PDCL2: variants seen among roughly 807,000 people sequenced by gnomAD.
The protein encoded by PDCL2 is phosducin-like protein 2.
In PDCL2, 23 loss-of-function variants were observed where a neutral mutation model predicts 30.3. The ratio of observed to expected loss-of-function variants is 0.76; its 90% CI spans 0.55 to 1.08. PDCL2 has a LOEUF of 1.08. Ranked by LOEUF, PDCL2 falls within the 50% of genes least tolerant of loss-of-function variation. The probability of loss-of-function intolerance (pLI) is 0.00; values close to 1 mark genes in which losing one functional copy is unlikely to be tolerated. For synonymous variants in PDCL2, 68 were observed against 86.2 expected (o/e 0.79, Z 1.17); for missense variants, 243 against 282.3 (o/e 0.86, Z 1.00).
rs541545088 is a variant in PDCL2 at position 55,566,634 on chromosome 4, G to A, written c.362+3084C>T. On this transcript the variant is annotated intron_variant, in intron 4 of 5. Transcript: ENST00000295645. ...GTAGAGATGGGGTTTCACCATGCTG[G>A]CCAGGCTGGTCTTGAACTCCTGACC... Among the ~76,000 whole-genome samples the A allele has an allele frequency of 2.2e-4, 34 of 151,648 alleles. No homozygotes were observed. In the East Asian group the frequency reaches 6.5e-3, roughly 29 times the overall value.
rs1731977822 is a variant in PDCL2 at position 55,556,724 on chromosome 4, A to T, written c.572-13T>A. On this transcript the variant is annotated splice_polypyrimidine_tract_variant and intron_variant, in intron 5 of 5. Transcript: ENST00000295645. ...TTCCATTCAAGTTCTGTAATAAATA[A>T]CCCATCATTCAGTTAAAAATCTTGA... 1 of 1,518,452 alleles carries T rather than the reference A, an allele frequency of 6.6e-7. No individual in the cohort carries two copies. Among genetic ancestry groups the T allele is most frequent in the South Asian group, 1.3e-5 (1 of 76,736 alleles). The allele number at this position is 1,518,452 out of a possible 1,614,324, so 94.1% of individuals were successfully genotyped here. A position where few individuals can be genotyped will look rare whatever the true frequency, so the allele number is the denominator to read the frequency against.
chr4:55,585,798 C>G (rs1056921862), intron 1 of PDCL2, among the ~76,000 whole-genome samples: 12 of 152,056 alleles, frequency 7.9e-5, no homozygotes, highest in Admixed American at 7.9e-4. Flanking sequence ...ATGGATTTAT[C>G]CATTTCTTCT....
At chr4:55,570,837 C>CT (rs1430992755) in intron 3 of PDCL2, among the ~76,000 whole-genome samples, 1 of 152,188 alleles carries the variant, frequency 6.6e-6, no homozygotes, top group Non-Finnish European at 1.5e-5. Context: ...TTCTATACCT[C>CT]TAAGTTTGCT....
At chr4:55,579,486 G>T (rs572362626) in intron 3 of PDCL2, among the ~76,000 whole-genome samples, 1 of 152,120 alleles carries the variant, frequency 6.6e-6, no homozygotes, top group African/African-American at 2.4e-5. Context: ...GTGCTACAAC[G>T]CCTGGCTAAT....
In PDCL2 at chr4:55,562,612, G is replaced by T; in HGVS notation, c.363C>A (p.Ser121Arg). The T allele has an allele frequency of 1.3e-6, 2 of 1,566,136 alleles. No individual in the cohort carries two copies. The highest frequency in any genetic ancestry group is 2.4e-5 in the South Asian group (2 of 82,764). Residue 121 changes from serine (S) to arginine (R), a missense_variant and splice_region_variant, in exon 5 of 6, where the codon AGC becomes AGA. By Grantham distance (110) the Ser-to-Arg change is moderately radical. Coordinates refer to ENST00000295645, the MANE Select transcript of PDCL2 (RefSeq NM_152401.3). Reference sequence around the variant, plus strand: ...GGTTAACCAACAAACACATTGGGATGCTAAAAAGAGAAACAGTACACACAA... The same window carrying T: ...GGTTAACCAACAAACACATTGGGATTCTAAAAAGAGAAACAGTACACACAA... ...VWVIIHLYRSSIPMCLLVNQH... is the reference protein window; with the variant it reads ...VWVIIHLYRSRIPMCLLVNQH...
chr4:55,588,259 A>G (rs1732910759), intron 1 of PDCL2, among the ~76,000 whole-genome samples: 1 of 152,146 alleles, frequency 6.6e-6, no homozygotes, highest in South Asian at 2.1e-4. Context: ...TGGACAAAGG[A>G]CAGACAGAAC....
chr4:55,579,405 C>G (rs144542466), intron 3 of PDCL2, among the ~76,000 whole-genome samples: 5,335 of 152,248 alleles, frequency 0.035, 151 homozygotes, highest in Non-Finnish European at 0.052. Context: ...TCTTGGCTCA[C>G]TGCAACCTCC....
At chr4:55,557,601 A>G (rs926132726) in intron 5 of PDCL2, among the ~76,000 whole-genome samples, 1 of 151,952 alleles carries the variant, frequency 6.6e-6, no homozygotes, top group Admixed American at 6.6e-5. Flanking sequence ...ATTTTGGGGG[A>G]CACATTCAAA....
chr4:55,565,944 T>TG lies in PDCL2; in HGVS notation c.363-3333_363-3332insC, dbSNP rs1237803449. Among the ~76,000 whole-genome samples, 478 of 149,940 alleles carry TG rather than the reference T, an allele frequency of 3.2e-3. 2 individuals carry two copies. The highest frequency in any genetic ancestry group is 0.011 in the African/African-American group (460 of 40,882). ...CAGCTGTCCTTCAACTTTACAATAT[T>TG]AAAAAGCTGTAAGTAAATCCATTTT... is the stretch of plus-strand genomic sequence containing the variant. On this transcript the variant is annotated intron_variant, in intron 4 of 5. Coordinates refer to ENST00000295645, the MANE Select transcript of PDCL2 (RefSeq NM_152401.3).
chr4:55,563,372 C>T (rs1490196013), intron 4 of PDCL2, among the ~76,000 whole-genome samples: 1 of 152,296 alleles, frequency 6.6e-6, no homozygotes, highest in African/African-American at 2.4e-5. Flanking sequence ...GACTCTTTCT[C>T]CATTTTACAT....
chr4:55,573,939 G>A (rs1414672817), intron 3 of PDCL2, among the ~76,000 whole-genome samples: 6 of 151,232 alleles, frequency 4.0e-5, no homozygotes, highest in Admixed American at 2.6e-4. Flanking sequence ...CTGTCACCAG[G>A]CTGGAGTGCA....
intron 4 of PDCL2, among the ~76,000 whole-genome samples, chr4:55,562,835 T>C (rs1355738919): frequency 1.3e-5 from 2 of 150,790 alleles, no homozygotes; most frequent in African/African-American, 2.4e-5. Flanking sequence ...CTAGCTACCA[T>C]GGCAAGCTGA....
chr4:55,582,395 T>C (rs185125271), intron 1 of PDCL2, among the ~76,000 whole-genome samples, 158 bp from the exon 2 acceptor site: 1 of 152,240 alleles, frequency 6.6e-6, no homozygotes, highest in Admixed American at 6.5e-5. Context: ...TACTTTTTCC[T>C]GCTTCCCAGC....
rs186985795 is a variant in PDCL2 at position 55,562,296 on chromosome 4, T to G, written c.571+108A>C. On this transcript the variant is annotated intron_variant, in intron 5 of 5. Coordinates refer to ENST00000295645, the MANE Select transcript of PDCL2 (RefSeq NM_152401.3). The stretch of plus-strand genomic sequence containing the variant: ...AATCTGGAGGCATATAAAAAGAGAC[T>G]AGAAGCAAGGAAAAAACCTTGGTAC... The G allele has an allele frequency of 3.8e-5, 24 of 626,370 alleles. No individual in the cohort carries two copies. The Admixed American group carries it at 9.9e-4, about 26-fold the overall frequency. 38.8% of individuals were successfully genotyped at this position (626,370 alleles called of 1,614,324 possible). A position where few individuals can be genotyped will look rare whatever the true frequency, so the allele number is the denominator to read the frequency against.
intron 1 of PDCL2, among the ~76,000 whole-genome samples, chr4:55,589,802 A>G (rs750945972): frequency 1.3e-4 from 20 of 152,186 alleles, no homozygotes; most frequent in Admixed American, 7.9e-4. Flanking sequence ...AGGTTGCTTA[A>G]AATTCAGGCT....
chr4:55,562,964 T>A (rs940606246), intron 4 of PDCL2, among the ~76,000 whole-genome samples: 1 of 151,448 alleles, frequency 6.6e-6, no homozygotes, highest in Non-Finnish European at 1.5e-5. Flanking sequence ...CAGTTCTGAG[T>A]TGAAACAAAA....
intron 4 of PDCL2, among the ~76,000 whole-genome samples, chr4:55,565,471 G>T (rs1344875117): frequency 2.6e-5 from 4 of 152,172 alleles, no homozygotes; most frequent in Non-Finnish European, 4.4e-5. Context: ...GCAATGAGAA[G>T]TGCTGAGCAA....
At chr4:55,574,003 C>T (rs1242464264) in intron 3 of PDCL2, among the ~76,000 whole-genome samples, 2 of 151,818 alleles carry the variant, frequency 1.3e-5, no homozygotes, top group African/African-American at 4.8e-5. Flanking sequence ...AAGCGATTCT[C>T]CTGCCTCAGC....
At chr4:55,584,657 C>T (rs2130038) in intron 1 of PDCL2, among the ~76,000 whole-genome samples, 114,914 of 152,094 alleles carry the variant, frequency 0.76, 43,814 homozygotes, top group East Asian at 0.9. Context: ...TAGGGTTTTA[C>T]ATATACAAGA....
Sources: allele counts gnomAD v4.1 joint callset (sites outside exome capture counted in the v4.1 genomes callset), GRCh38; gene constraint gnomAD v4.1.1; transcripts MANE v1.5; gene names NCBI Gene and HGNC (gene_info 2026-07-23, HGNC 2026-07-21).